Variants in GPR141 observed in about 807,000 individuals in gnomAD.
GPR141 encodes G protein-coupled receptor 141.
GPR141 carries 6 observed loss-of-function variants against 6.8 expected under a neutral mutation model. That is an observed-to-expected ratio of 0.88 (90% CI 0.48 to 1.74). The LOEUF (loss-of-function observed/expected upper bound fraction) is 1.74. Ranked by LOEUF, GPR141 falls within the 40% of genes most tolerant of loss-of-function variation. The pLI, the probability that GPR141 is intolerant of heterozygous loss-of-function variation, is 0.01. For synonymous variants in GPR141, 140 were observed against 142.3 expected (o/e 0.98, Z 0.11); for missense variants, 372 against 372.9 (o/e 1.00, Z 0.02).
At chr7:37,709,471 T>C (rs1810689852) in intron 2 of GPR141, among the ~76,000 whole-genome samples, 1 of 152,214 alleles carries the variant, frequency 6.6e-6, no homozygotes, top group Admixed American at 6.5e-5. Context: ...TCCCTCTTCA[T>C]AATTCCTAGA....
chr7:37,710,665 T>C (rs976622127), intron 2 of GPR141, among the ~76,000 whole-genome samples: 1 of 152,214 alleles, frequency 6.6e-6, no homozygotes, highest in Admixed American at 6.5e-5. Flanking sequence ...AAATAAATGG[T>C]ACTTTTAGTG....
intron 2 of GPR141, among the ~76,000 whole-genome samples, chr7:37,736,527 A>G (rs1181183216): frequency 4.6e-5 from 7 of 151,206 alleles, no homozygotes; most frequent in Non-Finnish European, 1.0e-4. Context: ...CAAAAGTGCA[A>G]AAAAATCTTT....
intron 2 of GPR141, among the ~76,000 whole-genome samples, chr7:37,691,964 T>C (rs1209369039): frequency 6.6e-6 from 1 of 152,170 alleles, no homozygotes; most frequent in Non-Finnish European, 1.5e-5. Context: ...TTTGACTTCT[T>C]TTTTTTGTGT....
chr7:37,716,185 C>G (rs892727685), intron 2 of GPR141, among the ~76,000 whole-genome samples: 1 of 152,096 alleles, frequency 6.6e-6, no homozygotes, highest in Non-Finnish European at 1.5e-5. Flanking sequence ...CTAGAGAGCA[C>G]GCTTGCTAAG....
chr7:37,734,561 C>A (rs776982635), intron 2 of GPR141, among the ~76,000 whole-genome samples: 2 of 152,186 alleles, frequency 1.3e-5, no homozygotes, highest in African/African-American at 2.4e-5. Context: ...GGGAAGATAC[C>A]AGCAACCAGC....
chr7:37,709,268 A>T (rs1463963331), intron 2 of GPR141, among the ~76,000 whole-genome samples: 1 of 152,234 alleles, frequency 6.6e-6, no homozygotes, highest in East Asian at 1.9e-4. Context: ...ATATATTTGG[A>T]TTATTTGGTA....
At chr7:37,694,419 G>A (rs753038601) in intron 2 of GPR141, among the ~76,000 whole-genome samples, 3 of 152,128 alleles carry the variant, frequency 2.0e-5, no homozygotes, top group East Asian at 1.9e-4. Flanking sequence ...GAAAGGTTGT[G>A]CAACTTGAGC....
intron 2 of GPR141, among the ~76,000 whole-genome samples, chr7:37,717,763 A>G (rs1397980245): frequency 6.6e-6 from 1 of 152,170 alleles, no homozygotes; most frequent in African/African-American, 2.4e-5. Context: ...CTCCTTCACT[A>G]AATTATAAGC....
At chr7:37,695,827 A>G (rs1449322492) in intron 2 of GPR141, among the ~76,000 whole-genome samples, 12 of 152,234 alleles carry the variant, frequency 7.9e-5, no homozygotes. Context: ...AAAAATGTAT[A>G]TTGACAAGCC....
chr7:37,740,990 C>A lies in GPR141; in HGVS notation c.597C>A (p.Phe199Leu). 2 of 1,613,994 alleles carry A rather than the reference C, an allele frequency of 1.2e-6. No individual in the cohort carries two copies. Among genetic ancestry groups the A allele is most frequent in the Admixed American group, 3.3e-5 (2 of 60,008 alleles). The change falls in exon 3 of 3, where the codon TTC (phenylalanine) becomes TTA (leucine). Residue 199 changes from phenylalanine (F) to leucine (L), a missense_variant. Physicochemically the swap from Phe to Leu is conservative, Grantham distance 22. Coordinates refer to ENST00000334425, the MANE Select transcript of GPR141 (RefSeq NM_001381946.1). ...CCGTTGCTGTGATTCTGTTGGTCTT[C>A]CAGGTCTTCATCATTATGTTGATGG... ...VIAVAVILLV[F>L]QVFIIMLMVQ...
intron 2 of GPR141, among the ~76,000 whole-genome samples, chr7:37,719,638 C>T (rs757905902): frequency 1.3e-4 from 20 of 152,172 alleles, no homozygotes; most frequent in Admixed American, 1.2e-3. Context: ...AGGGACTAAA[C>T]TGTCTAATCT....
At chr7:37,688,846 AAG>A (rs1405028744) in intron 2 of GPR141, among the ~76,000 whole-genome samples, 1 of 152,162 alleles carries the variant, frequency 6.6e-6, no homozygotes, top group African/African-American at 2.4e-5. Flanking sequence ...TTCTTGACTA[AAG>A]AGAGAGTCTG....
chr7:37,719,379 A>G (rs141819214), intron 2 of GPR141, among the ~76,000 whole-genome samples: 2,258 of 152,298 alleles, frequency 0.015, 144 homozygotes, highest in Admixed American at 0.1. Flanking sequence ...CAAGTTTTCA[A>G]TTTGGCAAGA....
chr7:37,734,400 T>G (rs1278820010), intron 2 of GPR141, among the ~76,000 whole-genome samples: 1 of 152,228 alleles, frequency 6.6e-6, no homozygotes, highest in African/African-American at 2.4e-5. Context: ...CTTAGCTACA[T>G]GTTATGAATA....
intron 2 of GPR141, among the ~76,000 whole-genome samples, chr7:37,719,247 T>A (rs1583556076): frequency 6.6e-6 from 1 of 152,192 alleles, no homozygotes; most frequent in Non-Finnish European, 1.5e-5. Context: ...GGTGGAAGTC[T>A]GTGTGAGCTA....
Position 37,740,996 on chromosome 7 carries a change from C to T in GPR141, c.603C>T (p.Val201=). The change falls in exon 3 of 3, where the codon GTC becomes GTT. Residue 201 remains valine, a synonymous_variant. Transcript: ENST00000334425. Reference sequence around the variant, plus strand: ...CTGTGATTCTGTTGGTCTTCCAGGTCTTCATCATTATGTTGATGGTGCAGA... The same window carrying T: ...CTGTGATTCTGTTGGTCTTCCAGGTTTTCATCATTATGTTGATGGTGCAGA... ...AVAVILLVFQ[V]FIIMLMVQKL... The T allele has an allele frequency of 6.2e-7, 1 of 1,614,028 alleles. No individual in the cohort carries two copies. Among genetic ancestry groups the T allele is most frequent in the East Asian group, 2.2e-5 (1 of 44,882 alleles).
At chr7:37,698,151 G>T (rs918246239) in intron 2 of GPR141, among the ~76,000 whole-genome samples, 1 of 152,278 alleles carries the variant, frequency 6.6e-6, no homozygotes, top group South Asian at 2.1e-4. Flanking sequence ...AAGCACACCT[G>T]CCATATTCCA....
At chr7:37,718,963 G>A (rs1448364787) in intron 2 of GPR141, among the ~76,000 whole-genome samples, 1 of 152,210 alleles carries the variant, frequency 6.6e-6, no homozygotes, top group Admixed American at 6.5e-5. Flanking sequence ...GTGTATATGT[G>A]TTGCAGGGTG....
rs1387472038 is a variant in GPR141, at chr7:37,691,325, C to T, written c.-15+5742C>T. On this transcript the variant is annotated intron_variant, in intron 2 of 2. Transcript: ENST00000334425. ...TTTTTTTTTTTTTGAGACAGAGTCTCGCTCTGCTGCCCAGGCTGGAGTGCA... is the reference window on the plus strand; with the variant it reads ...TTTTTTTTTTTTTGAGACAGAGTCTTGCTCTGCTGCCCAGGCTGGAGTGCA... Among the ~76,000 whole-genome samples, 6 of 127,998 alleles carry T rather than the reference C, an allele frequency of 4.7e-5. No individual in the cohort carries two copies. In the East Asian group the frequency reaches 1.5e-3, roughly 31 times the overall value. The allele number at this position is 127,998 out of a possible 152,430, so 84.0% of individuals were successfully genotyped here. A position where few individuals can be genotyped will look rare whatever the true frequency, so the allele number is the denominator to read the frequency against.
Sources: gnomAD v4.1 joint callset for allele counts (sites outside exome capture counted in the v4.1 genomes callset) on GRCh38, gnomAD v4.1.1 for gene constraint, MANE v1.5 for transcripts, NCBI Gene and HGNC (gene_info 2026-07-23, HGNC 2026-07-21) for gene names.